STAU2: variants seen among roughly 807,000 people sequenced by gnomAD.
The protein encoded by STAU2 is staufen double-stranded RNA binding protein 2.
A neutral mutation model predicts 65.9 loss-of-function variants in STAU2; 20 were observed. The observed-to-expected ratio is 0.30, with a 90% CI of 0.21 to 0.44. The LOEUF is 0.44. Ranked by LOEUF, STAU2 falls within the 20% of genes least tolerant of loss-of-function variation. The pLI, the probability that STAU2 is intolerant of heterozygous loss-of-function variation, is 1.00. For missense variants in STAU2, 558 were observed against 683.9 expected, an observed-to-expected ratio of 0.82 and a Z score of 2.05; for synonymous variants, 232 against 233.9, an observed-to-expected ratio of 0.99 and a Z score of 0.07.
intron 9 of STAU2, among the ~76,000 whole-genome samples, chr8:73,610,150 T>G (rs913428909): frequency 4.0e-5 from 6 of 151,766 alleles, no homozygotes; most frequent in Admixed American, 6.6e-5. Context: ...CATGGTGGTG[T>G]TGTGCCTGTA....
chr8:73,509,680 G>T (rs895715934), intron 13 of STAU2, among the ~76,000 whole-genome samples: 7 of 151,818 alleles, frequency 4.6e-5, no homozygotes, highest in African/African-American at 1.7e-4. Flanking sequence ...TTAAGAGAAA[G>T]ATACTGAAAA....
rs1354908324 is a variant in STAU2, at chr8:73,422,743, T to C, written c.1531-41A>G. 1.6e-5 allele frequency: 21 copies of C among 1,298,846 alleles called. 1 individual carries two copies. Among genetic ancestry groups the C allele is most frequent in the South Asian group, 3.3e-5 (2 of 61,084 alleles). The allele number at this position is 1,298,846 out of a possible 1,614,324, so 80.5% of individuals were successfully genotyped here. A position where few individuals can be genotyped will look rare whatever the true frequency, so the allele number is the denominator to read the frequency against. On this transcript the variant is annotated intron_variant, in intron 13 of 14. Coordinates refer to ENST00000524300, the MANE Select transcript of STAU2 (RefSeq NM_001164380.2). ...AACAGAGAGAGCCATTCACTGACTC[T>C]AGTGTAATGAACAAGTAACTGAAAG...
At chr8:73,442,353 CAAAAA>C (rs10606663) in intron 13 of STAU2, among the ~76,000 whole-genome samples, 198 of 100,144 alleles carry the variant, frequency 2.0e-3, no homozygotes, top group African/African-American at 6.3e-3. Flanking sequence ...GACTCCGTCT[CAAAAA>C]AAAAAAAAAA....
At chr8:73,558,946 A>C (rs1807988008) in intron 12 of STAU2, among the ~76,000 whole-genome samples, 1 of 152,244 alleles carries the variant, frequency 6.6e-6, no homozygotes, top group Non-Finnish European at 1.5e-5. Context: ...TTTCACAATA[A>C]AAAATTATAA....
intron 12 of STAU2, among the ~76,000 whole-genome samples, chr8:73,573,587 G>A (rs575582656): frequency 1.3e-5 from 2 of 152,256 alleles, no homozygotes; most frequent in South Asian, 4.1e-4. Flanking sequence ...AGAGCCCTCA[G>A]AAATAATACC....
chr8:73,561,253 G>A (rs370493920), intron 12 of STAU2, among the ~76,000 whole-genome samples: 4 of 152,080 alleles, frequency 2.6e-5, no homozygotes, highest in Non-Finnish European at 4.4e-5. Flanking sequence ...CCCCAGAAGC[G>A]CATTCACCAC....
intron 13 of STAU2, among the ~76,000 whole-genome samples, chr8:73,428,463 A>G (rs1816999356): frequency 1.3e-5 from 2 of 152,086 alleles, no homozygotes; most frequent in South Asian, 4.1e-4. Context: ...ACAAATTTCA[A>G]ACTTTTTAGG....
intron 13 of STAU2, among the ~76,000 whole-genome samples, chr8:73,492,324 T>C (rs988345100): frequency 1.3e-5 from 2 of 151,850 alleles, no homozygotes; most frequent in African/African-American, 4.8e-5. Context: ...CAGAGTTCAG[T>C]GAAAGTTCTC....
intron 11 of STAU2, chr8:73,590,961 T>C (rs1029860031): frequency 6.6e-6 from 1 of 152,202 alleles, no homozygotes; most frequent in Non-Finnish European, 1.5e-5. Context: ...AAAGACTTTT[T>C]TGGCAAACAA....
chr8:73,547,638 C>A (rs1203155821), intron 13 of STAU2, among the ~76,000 whole-genome samples: 1 of 152,126 alleles, frequency 6.6e-6, no homozygotes, highest in Non-Finnish European at 1.5e-5. Flanking sequence ...AGGTCAAATT[C>A]AAGAGAGCTT....
chr8:73,619,536 T>C (rs1338254856), intron 6 of STAU2, among the ~76,000 whole-genome samples: 4 of 152,254 alleles, frequency 2.6e-5, no homozygotes, highest in Admixed American at 2.6e-4. Context: ...GCGCATCATG[T>C]AAGCATTCAC....
At chr8:73,615,412 C>A (rs1812759123) in intron 8 of STAU2, among the ~76,000 whole-genome samples, 1 of 151,836 alleles carries the variant, frequency 6.6e-6, no homozygotes, top group Non-Finnish European at 1.5e-5. Context: ...ATTATCTATA[C>A]CCAGAAAATA....
At chr8:73,476,126 G>A (rs1185879279) in intron 13 of STAU2, among the ~76,000 whole-genome samples, 2 of 152,156 alleles carry the variant, frequency 1.3e-5, no homozygotes, top group African/African-American at 4.8e-5. Flanking sequence ...ACCAATGGGA[G>A]CGATATGGGC....
intron 3 of STAU2, among the ~76,000 whole-genome samples, chr8:73,720,499 C>T (rs369380219): frequency 5.9e-4 from 23 of 39,078 alleles, no homozygotes; most frequent in East Asian, 5.8e-3. Context: ...AAAATACTTT[C>T]TTTTTTTTTT....
At chr8:73,647,581 CTTT>C (rs1312989276) in intron 6 of STAU2, among the ~76,000 whole-genome samples, 6 of 139,074 alleles carry the variant, frequency 4.3e-5, no homozygotes, top group Non-Finnish European at 4.7e-5. Flanking sequence ...AATTCTGCAT[CTTT>C]TTTTTTTTTT....
At chr8:73,693,474 C>CAAA (rs57858834) in intron 4 of STAU2, among the ~76,000 whole-genome samples, 7,850 of 68,064 alleles carry the variant, frequency 0.12, 281 homozygotes, top group Middle Eastern at 0.21. Context: ...GACTCCGTCT[C>CAAA]AAAAAAAAAA....
rs1337606296 is a variant in STAU2 at position 73,429,301 on chromosome 8, T to C, written c.1531-6599A>G. Among the ~76,000 whole-genome samples, 3 of 151,942 alleles carry C rather than the reference T, an allele frequency of 2.0e-5. No homozygotes were observed. The East Asian group carries it at 5.8e-4, about 29-fold the overall frequency. ...TTGTTATCACAGCCTTGTGAGATAG[T>C]TCCTACCCATAAGGAAACAGAGGCT... On this transcript the variant is annotated intron_variant, in intron 13 of 14. Transcript: ENST00000524300.
intron 13 of STAU2, among the ~76,000 whole-genome samples, chr8:73,469,613 G>A (rs1055634374): frequency 6.6e-6 from 1 of 152,084 alleles, no homozygotes; most frequent in Non-Finnish European, 1.5e-5. Context: ...CTCTAAAGAA[G>A]ACAGGTTGGG....
At chr8:73,602,076 A>T (rs1811669414) in intron 10 of STAU2, among the ~76,000 whole-genome samples, 1 of 152,072 alleles carries the variant, frequency 6.6e-6, no homozygotes, top group African/African-American at 2.4e-5. Context: ...CCCAGGAGTG[A>T]CTTATCTATG....
Sources: gnomAD v4.1 joint callset for allele counts (sites outside exome capture counted in the v4.1 genomes callset) on GRCh38, gnomAD v4.1.1 for gene constraint, MANE v1.5 for transcripts, NCBI Gene and HGNC (gene_info 2026-07-23, HGNC 2026-07-21) for gene names.